Variants in CDH13 observed in about 807,000 individuals in gnomAD.
CDH13 encodes the protein cadherin-13.
In CDH13, 24 loss-of-function variants were observed where a neutral mutation model predicts 63.8. The ratio of observed to expected loss-of-function variants is 0.38; its 90% CI spans 0.27 to 0.53. The LOEUF is 0.53. Ranked by LOEUF, CDH13 falls within the 20% of genes least tolerant of loss-of-function variation. CDH13 has a pLI of 0.85. For missense variants in CDH13, 1,049 were observed against 903.1 expected, an observed-to-expected ratio of 1.16 and a Z score of -2.07; for synonymous variants, 503 against 355.3, an observed-to-expected ratio of 1.42 and a Z score of -4.67.
intron 1 of CDH13, among the ~76,000 whole-genome samples, chr16:82,767,696 A>C (rs2035108273): frequency 6.6e-6 from 1 of 152,016 alleles, no homozygotes; most frequent in Non-Finnish European, 1.5e-5. Flanking sequence ...TCCAATCCCA[A>C]ACTTTTCCAA....
At chr16:83,323,104 C>A (rs761222931) in intron 5 of CDH13, among the ~76,000 whole-genome samples, 2 of 152,046 alleles carry the variant, frequency 1.3e-5, no homozygotes, top group East Asian at 3.9e-4. Context: ...CAGAATCAAT[C>A]AGCTACACCT....
intron 1 of CDH13, among the ~76,000 whole-genome samples, chr16:82,670,589 G>T (rs1273181843): frequency 6.6e-6 from 1 of 152,190 alleles, no homozygotes; most frequent in Non-Finnish European, 1.5e-5. Context: ...AAGGACAGAT[G>T]GGGCTATAAT....
At chr16:83,790,787 G>A (rs1254926263) in intron 13 of CDH13, among the ~76,000 whole-genome samples, 4 of 152,184 alleles carry the variant, frequency 2.6e-5, no homozygotes, top group Admixed American at 6.5e-5. Context: ...GAGGCAAGCC[G>A]GCATTGCCAT....
chr16:83,605,358 G>GC (rs1202407870), intron 8 of CDH13, among the ~76,000 whole-genome samples: 1 of 152,192 alleles, frequency 6.6e-6, no homozygotes, highest in Non-Finnish European at 1.5e-5. Flanking sequence ...TTCCTGAAAG[G>GC]CTGATGTTCT....
chr16:83,079,417 A>G (rs1022135473), intron 3 of CDH13, among the ~76,000 whole-genome samples: 1 of 152,234 alleles, frequency 6.6e-6, no homozygotes, highest in Non-Finnish European at 1.5e-5. Flanking sequence ...AACTGAAGCA[A>G]GGGACAATTT....
At chr16:83,256,674 CAAAAAAAAA>C (rs59651612) in intron 5 of CDH13, among the ~76,000 whole-genome samples, 16 of 115,656 alleles carry the variant, frequency 1.4e-4, no homozygotes, top group Admixed American at 4.6e-4. Flanking sequence ...TACTAAAATA[CAAAAAAAAA>C]AAAAAAAAAA....
intron 10 of CDH13, among the ~76,000 whole-genome samples, chr16:83,697,427 G>A (rs1016635247): frequency 6.6e-6 from 1 of 152,250 alleles, no homozygotes; most frequent in African/African-American, 2.4e-5. Context: ...TCTGGGCACA[G>A]AAGGCTGCGC....
At chr16:83,332,363 C>G (rs564394159) in intron 5 of CDH13, among the ~76,000 whole-genome samples, 2 of 152,120 alleles carry the variant, frequency 1.3e-5, no homozygotes, top group Non-Finnish European at 2.9e-5. Context: ...ATTCATTAGA[C>G]TATACTTTAA....
In CDH13 at chr16:82,795,122, G is replaced by A. The variant is rs139178210; in HGVS notation, c.46-63240G>A. Among the ~76,000 whole-genome samples the A allele has an allele frequency of 3.9e-5, 6 of 152,314 alleles. No homozygotes were observed. In the East Asian group the frequency reaches 1.2e-3, roughly 29 times the overall value. ...CACATTCCTTCACCAGATAGTGTGG[G>A]AAGGAGTCCATCTTTCTGCAGTTGG... On this transcript the variant is annotated intron_variant, in intron 1 of 13. Transcript: ENST00000567109.
intron 7 of CDH13, among the ~76,000 whole-genome samples, chr16:83,601,876 C>A (rs1049105561): frequency 6.6e-6 from 1 of 151,826 alleles, no homozygotes; most frequent in Non-Finnish European, 1.5e-5. Flanking sequence ...AGGCAGATCA[C>A]GAGGTCAGGA....
chr16:83,281,728 G>A (rs2089181069), intron 5 of CDH13, among the ~76,000 whole-genome samples: 1 of 149,858 alleles, frequency 6.7e-6, no homozygotes, highest in African/African-American at 2.5e-5. Context: ...GGCCAACATA[G>A]TAAAACCTCA....
intron 5 of CDH13, among the ~76,000 whole-genome samples, chr16:83,323,648 C>G (rs1167014114): frequency 6.6e-6 from 1 of 152,132 alleles, no homozygotes; most frequent in Non-Finnish European, 1.5e-5. Flanking sequence ...TAAAGCAAAA[C>G]AAACAACAAA....
chr16:83,137,390 G>T (rs1325571827), intron 4 of CDH13, among the ~76,000 whole-genome samples: 2 of 152,210 alleles, frequency 1.3e-5, no homozygotes, highest in Non-Finnish European at 2.9e-5. Flanking sequence ...AAAATTCTCT[G>T]TGAAGTGAGG....
chr16:82,658,408 T>G (rs1423945698), intron 1 of CDH13, among the ~76,000 whole-genome samples: 2 of 152,228 alleles, frequency 1.3e-5, no homozygotes, highest in Non-Finnish European at 2.9e-5. Flanking sequence ...TCTTAAATGT[T>G]CAACAAGCCT....
intron 2 of CDH13, among the ~76,000 whole-genome samples, chr16:82,908,791 G>T (rs779186429): frequency 6.6e-6 from 1 of 152,122 alleles, no homozygotes; most frequent in African/African-American, 2.4e-5. Context: ...TAATGTTTGC[G>T]TAAAACCTAG....
At chr16:82,646,748 G>T (rs1212764906) in intron 1 of CDH13, among the ~76,000 whole-genome samples, 2 of 152,182 alleles carry the variant, frequency 1.3e-5, no homozygotes, top group East Asian at 3.8e-4. Flanking sequence ...TCAGTAGCAG[G>T]CATGGGCAAA....
intron 8 of CDH13, among the ~76,000 whole-genome samples, chr16:83,624,163 C>G (rs1910061975): frequency 6.6e-6 from 1 of 152,136 alleles, no homozygotes; most frequent in Non-Finnish European, 1.5e-5. Flanking sequence ...TAGGCTCTCT[C>G]CTTGTGGCAA....
chr16:83,644,345 CA>C (rs1248538870), intron 8 of CDH13, among the ~76,000 whole-genome samples: 17 of 152,164 alleles, frequency 1.1e-4, no homozygotes, highest in African/African-American at 4.1e-4. Context: ...ATAGATGTCC[CA>C]CCATTTGACC....
At chr16:83,128,934 A>C (rs2035929688) in intron 4 of CDH13, among the ~76,000 whole-genome samples, 1 of 152,248 alleles carries the variant, frequency 6.6e-6, no homozygotes, top group South Asian at 2.1e-4. Flanking sequence ...AAGAGCCTTC[A>C]AAACCTCTAG....
Sources: allele counts gnomAD v4.1 joint callset (sites outside exome capture counted in the v4.1 genomes callset), GRCh38; gene constraint gnomAD v4.1.1; transcripts MANE v1.5; gene names NCBI Gene and HGNC (gene_info 2026-07-23, HGNC 2026-07-21).